Variants in LINGO2 observed in about 807,000 individuals in gnomAD.
LINGO2 encodes leucine-rich repeat and immunoglobulin-like domain-containing nogo receptor-interacting protein 2.
In LINGO2, 14 loss-of-function variants were observed where a neutral mutation model predicts 30.6. That is an observed-to-expected ratio of 0.46 (90% CI 0.30 to 0.72). LINGO2 has a LOEUF of 0.72. Among genes scored for constraint, LINGO2 ranks in the 30% least tolerant of loss-of-function variants. The pLI, the probability that LINGO2 is intolerant of heterozygous loss-of-function variation, is 0.07. For missense variants in LINGO2, 729 were observed against 751.7 expected (o/e 0.97, Z 0.35); for synonymous variants, 317 against 288.5 (o/e 1.10, Z -1.00).
the LINGO2 span, among the ~76,000 whole-genome samples, chr9:29,123,361 A>G: frequency 6.6e-6 from 1 of 152,148 alleles, no homozygotes; most frequent in Admixed American, 6.6e-5. Flanking sequence ...ACAAAAGAAC[A>G]CTCCACACGT....
At chr9:28,018,983 A>G (rs1477938608) in intron 4 of LINGO2, among the ~76,000 whole-genome samples, 1 of 152,194 alleles carries the variant, frequency 6.6e-6, no homozygotes, top group East Asian at 1.9e-4. Context: ...TTGCAGCAAC[A>G]TGAGTGGAGC....
chr9:27,975,173 G>A (rs1011321974), intron 5 of LINGO2, among the ~76,000 whole-genome samples: 2 of 152,170 alleles, frequency 1.3e-5, no homozygotes, highest in East Asian at 1.9e-4. Context: ...AATTCTGTGT[G>A]TCGAATCCAC....
At chr9:28,133,834 C>A (rs1827441156) in intron 4 of LINGO2, among the ~76,000 whole-genome samples, 1 of 152,128 alleles carries the variant, frequency 6.6e-6, no homozygotes, top group East Asian at 1.9e-4. Flanking sequence ...AATCTGATTT[C>A]CTCCAATTCC....
the LINGO2 span, among the ~76,000 whole-genome samples, chr9:29,006,173 A>G: frequency 6.6e-6 from 1 of 151,900 alleles, no homozygotes; most frequent in Middle Eastern, 3.4e-3. Flanking sequence ...TGACAAGTAC[A>G]TAATTACACA....
At chr9:28,156,727 A>G (rs1828141671) in intron 4 of LINGO2, among the ~76,000 whole-genome samples, 2 of 152,266 alleles carry the variant, frequency 1.3e-5, no homozygotes, top group Admixed American at 1.3e-4. Flanking sequence ...AATGTGGGTA[A>G]AGGTATTGGT....
the LINGO2 span, among the ~76,000 whole-genome samples, chr9:29,135,583 T>C: frequency 6.6e-6 from 1 of 151,544 alleles, no homozygotes; most frequent in Non-Finnish European, 1.5e-5. Context: ...AAATAGAGAT[T>C]GTCTTCCAAA....
chr9:28,008,486 G>T (rs79071291), intron 5 of LINGO2, among the ~76,000 whole-genome samples: 1 of 10,784 alleles, frequency 9.3e-5, no homozygotes, highest in Non-Finnish European at 5.4e-4. Flanking sequence ...GTTATGGAAG[G>T]AAAAAAAGGA....
the LINGO2 span, among the ~76,000 whole-genome samples, chr9:29,051,515 T>C: frequency 4.6e-5 from 7 of 152,284 alleles, no homozygotes; most frequent in African/African-American, 1.7e-4. Flanking sequence ...TCTTATGACA[T>C]GGACTAGATA....
At chr9:28,499,466 T>C (rs1007912753) in intron 1 of LINGO2, among the ~76,000 whole-genome samples, 1 of 152,200 alleles carries the variant, frequency 6.6e-6, no homozygotes, top group Non-Finnish European at 1.5e-5. Flanking sequence ...TCTTGTTCTG[T>C]TGTAATTAGT....
intron 4 of LINGO2, among the ~76,000 whole-genome samples, chr9:28,245,867 T>C (rs10812765): frequency 0.83 from 125,675 of 152,108 alleles, 52,250 homozygotes; most frequent in African/African-American, 0.91. Context: ...GCCATACTGC[T>C]CAAAATAATT....
intron 3 of LINGO2, among the ~76,000 whole-genome samples, chr9:28,325,247 C>T (rs188408269): frequency 1.1e-3 from 168 of 152,214 alleles, no homozygotes; most frequent in African/African-American, 3.9e-3. Context: ...AATTTATCCT[C>T]CCCTTTAAGA....
At chr9:28,816,545 C>T in the LINGO2 span, among the ~76,000 whole-genome samples, 1 of 152,150 alleles carries the variant, frequency 6.6e-6, no homozygotes, top group Non-Finnish European at 1.5e-5. Context: ...TAATACTCCT[C>T]ATTCATAGTG....
chr9:28,302,843 A>G lies in LINGO2; in HGVS notation c.-245-7477T>C, dbSNP rs1001343648. On this transcript the variant is annotated intron_variant, in intron 3 of 5. Transcript: ENST00000379992. ...ACATACATGTTCTCATTTAATCTTC[A>G]TAAAAAACCTGGGAGACAGGTACTA... Among the ~76,000 whole-genome samples the G allele has an allele frequency of 3.3e-5, 5 of 152,176 alleles. No individual in the cohort carries two copies. The East Asian group carries it at 9.6e-4, about 29-fold the overall frequency.
intron 1 of LINGO2, among the ~76,000 whole-genome samples, chr9:28,648,077 T>G (rs1827923110): frequency 6.6e-6 from 1 of 151,968 alleles, no homozygotes; most frequent in South Asian, 2.1e-4. Flanking sequence ...TCCTGGATTA[T>G]TCATAAAGCA....
intron 4 of LINGO2, among the ~76,000 whole-genome samples, chr9:28,271,111 G>C (rs1822922577): frequency 6.6e-6 from 1 of 151,072 alleles, no homozygotes. Context: ...TAGTCCTCTT[G>C]ATCTAGAGTT....
At chr9:29,055,936 G>GTATATATATATATATATATACATATA in the LINGO2 span, among the ~76,000 whole-genome samples, 21,834 of 118,316 alleles carry the variant, frequency 0.18, 3,079 homozygotes, top group East Asian at 0.34. Context: ...GTGTATGTGT[G>GTATATATATATATATATATACATATA]TGTGTATATA....
the LINGO2 span, among the ~76,000 whole-genome samples, chr9:28,852,707 A>G: frequency 6.6e-6 from 1 of 152,138 alleles, no homozygotes; most frequent in Middle Eastern, 3.4e-3. Context: ...CTCCAGATAC[A>G]TTAGAAAGGG....
the LINGO2 span, among the ~76,000 whole-genome samples, chr9:29,120,647 T>G: frequency 6.6e-6 from 1 of 152,096 alleles, no homozygotes; most frequent in Admixed American, 6.6e-5. Context: ...TGAATAAAAT[T>G]TTGCACCCTG....
At chr9:28,921,453 A>G in the LINGO2 span, among the ~76,000 whole-genome samples, 2 of 152,180 alleles carry the variant, frequency 1.3e-5, no homozygotes, top group African/African-American at 4.8e-5. Flanking sequence ...CCCGTCACAC[A>G]GATAAAATTA....
Sources: gnomAD v4.1 joint callset for allele counts (sites outside exome capture counted in the v4.1 genomes callset) on GRCh38, gnomAD v4.1.1 for gene constraint, MANE v1.5 for transcripts, NCBI Gene and HGNC (gene_info 2026-07-23, HGNC 2026-07-21) for gene names.